SLC15A2: variants seen among roughly 807,000 people sequenced by gnomAD.
The protein encoded by SLC15A2 is solute carrier family 15 member 2, also known as kidney H(+)/peptide cotransporter.
A neutral mutation model predicts 95.5 loss-of-function variants in SLC15A2; 77 were observed. That is an observed-to-expected ratio of 0.81 (90% CI 0.67 to 0.97). The LOEUF (loss-of-function observed/expected upper bound fraction) is 0.97, where lower values mean the gene tolerates loss of function less well. SLC15A2 is among the 50% of genes least tolerant of loss of function. The pLI is 0.00. For missense variants in SLC15A2, 893 were observed against 874.4 expected (o/e 1.02, Z -0.27); for synonymous variants, 306 against 306.9 (o/e 1.00, Z 0.03).
At chr3:121,940,520 T>C (rs1559856811) in intron 21 of SLC15A2, 32 bp downstream of exon 21, 1 of 1,557,596 alleles carries the variant, frequency 6.4e-7, no homozygotes, top group Non-Finnish European at 8.9e-7. Flanking sequence ...GATTCATTTC[T>C]ACTCAAGTTT....
intron 3 of SLC15A2, among the ~76,000 whole-genome samples, chr3:121,908,658 A>C (rs923034568): frequency 2.6e-5 from 4 of 152,120 alleles, no homozygotes; most frequent in African/African-American, 9.7e-5. Context: ...TTCCTCTGCC[A>C]TCACTACACA....
intron 19 of SLC15A2, among the ~76,000 whole-genome samples, chr3:121,935,664 T>C (rs1710328848): frequency 6.6e-6 from 1 of 151,986 alleles, no homozygotes. Context: ...TTTTTTTCTT[T>C]ATTAGTCTTG....
rs1709859651 is a variant in SLC15A2 at position 121,915,110 on chromosome 3, G to A, written c.529-117G>A. 13 of 1,096,286 alleles carry A rather than the reference G, an allele frequency of 1.2e-5. 1 individual carries two copies. In the South Asian group the frequency reaches 2.5e-4, roughly 21 times the overall value. The allele number at this position is 1,096,286 out of a possible 1,614,324, so 67.9% of individuals were successfully genotyped here. ...ATTAATAATATGAAATTCAGGTATT[G>A]TGGAGGCAATATCTGAATCTTTCTC... On this transcript the variant is annotated intron_variant, in intron 5 of 21. Coordinates refer to ENST00000489711, the MANE Select transcript of SLC15A2 (RefSeq NM_021082.4).
At chr3:121,938,113 T>C (rs1302282748) in intron 19 of SLC15A2, among the ~76,000 whole-genome samples, 2 of 151,706 alleles carry the variant, frequency 1.3e-5, no homozygotes, top group African/African-American at 2.4e-5. Flanking sequence ...GAGGAGGCAG[T>C]CTGCCCGTTC....
At chr3:121,897,656 A>G in intron 3 of SLC15A2, 127 bp downstream of exon 3, 1 of 872,502 alleles carries the variant, frequency 1.1e-6, no homozygotes, top group Non-Finnish European at 1.7e-6. Context: ...ATCTCTGTAC[A>G]TCTGTGTAGT....
chr3:121,910,398 T>C (rs1709741141), intron 3 of SLC15A2, among the ~76,000 whole-genome samples: 1 of 152,120 alleles, frequency 6.6e-6, no homozygotes, highest in Admixed American at 6.5e-5. Context: ...GGTTTCACCA[T>C]GTTGGTCAGG....
chr3:121,921,744 A>C (rs746513937), intron 7 of SLC15A2, among the ~76,000 whole-genome samples: 6 of 151,668 alleles, frequency 4.0e-5, no homozygotes, highest in Non-Finnish European at 8.8e-5. Flanking sequence ...CCATTTTAAT[A>C]ATCCAAAGTA....
intron 3 of SLC15A2, among the ~76,000 whole-genome samples, chr3:121,911,056 A>G (rs1016061085): frequency 2.0e-5 from 3 of 152,212 alleles, no homozygotes; most frequent in African/African-American, 7.2e-5. Flanking sequence ...TTTACCTCCC[A>G]GTGCTTCTTG....
chr3:121,926,080 A>G (rs1430867542), intron 13 of SLC15A2, among the ~76,000 whole-genome samples: 1 of 152,088 alleles, frequency 6.6e-6, no homozygotes. Context: ...AAGAACAAGA[A>G]GAAAGAAGAA....
intron 15 of SLC15A2, 79 bp from the exon 16 acceptor site, chr3:121,928,903 C>A: frequency 6.7e-7 from 1 of 1,491,358 alleles, no homozygotes; most frequent in East Asian, 2.3e-5. Flanking sequence ...AGGTCACCTA[C>A]CCTGAGATGC....
chr3:121,907,464 C>T (rs1401568198), intron 3 of SLC15A2, among the ~76,000 whole-genome samples: 1 of 152,192 alleles, frequency 6.6e-6, no homozygotes, highest in Non-Finnish European at 1.5e-5. Flanking sequence ...CTTTTCTGCT[C>T]TGGTTTCTCC....
At chr3:121,923,759 G>T (rs1013774830) in intron 11 of SLC15A2, among the ~76,000 whole-genome samples, 1 of 152,046 alleles carries the variant, frequency 6.6e-6, no homozygotes, top group Non-Finnish European at 1.5e-5. Flanking sequence ...CTCAAATAAG[G>T]TACCATCTCT....
chr3:121,941,092 T>G lies in SLC15A2; in HGVS notation c.*85T>G. On this transcript the variant is annotated 3_prime_UTR_variant, in exon 22 of 22. Coordinates refer to ENST00000489711, the MANE Select transcript of SLC15A2 (RefSeq NM_021082.4). ...CTTCTACTGGATTAGACAAGAGAGA[T>G]AGCAGCATATCAGAGCTGATCTCCT... is the stretch of plus-strand genomic sequence containing the variant. 8 of 1,251,778 alleles carry G rather than the reference T, an allele frequency of 6.4e-6. No individual in the cohort carries two copies. The highest frequency in any genetic ancestry group is 1.5e-5 in the African/African-American group (1 of 66,370). The allele number at this position is 1,251,778 out of a possible 1,614,324, so 77.5% of individuals were successfully genotyped here. A position where few individuals can be genotyped will look rare whatever the true frequency, so the allele number is the denominator to read the frequency against.
chr3:121,923,269 G>T lies in SLC15A2; in HGVS notation c.1002+3G>T. 6.2e-7 allele frequency: 1 copy of T among 1,613,424 alleles called. No homozygotes were observed. Among genetic ancestry groups the T allele is most frequent in the South Asian group, 1.1e-5 (1 of 90,924 alleles). On this transcript the variant is annotated splice_donor_region_variant and intron_variant, in intron 11 of 21. Coordinates refer to ENST00000489711, the MANE Select transcript of SLC15A2 (RefSeq NM_021082.4). ...CCATCAGGATGAATAGGAATTTGGT[G>T]AGTAGAAGAGATTTTCCAGAGAAGT...
chr3:121,932,354 CCAAT>C (rs776543257), intron 19 of SLC15A2, among the ~76,000 whole-genome samples: 38 of 152,192 alleles, frequency 2.5e-4, no homozygotes, highest in Admixed American at 9.8e-4. Context: ...TTTTATGTCT[CCAAT>C]CAAACACAAG....
intron 1 of SLC15A2, 77 bp downstream of exon 1, chr3:121,894,658 T>G (rs1024989176): frequency 2.7e-6 from 3 of 1,111,746 alleles, no homozygotes; most frequent in Non-Finnish European, 2.7e-6. Flanking sequence ...GCTCTGGAGC[T>G]TCCAGCTGAG....
intron 7 of SLC15A2, among the ~76,000 whole-genome samples, chr3:121,917,117 G>A (rs537071056): frequency 2.0e-5 from 3 of 152,234 alleles, no homozygotes; most frequent in Non-Finnish European, 4.4e-5. Flanking sequence ...ACCACGCCCA[G>A]CCAATTAATT....
At chr3:121,933,399 T>G (rs1710272147) in intron 19 of SLC15A2, among the ~76,000 whole-genome samples, 1 of 149,606 alleles carries the variant, frequency 6.7e-6, no homozygotes, top group Non-Finnish European at 1.5e-5. Flanking sequence ...GTGTTCCTAT[T>G]TCTCCACATC....
intron 3 of SLC15A2, among the ~76,000 whole-genome samples, chr3:121,909,994 T>G (rs1004402873): frequency 3.9e-5 from 6 of 152,070 alleles, no homozygotes; most frequent in Non-Finnish European, 7.4e-5. Flanking sequence ...CCTTTTTTTT[T>G]CCTCTATGAT....
Sources: gnomAD v4.1 joint callset for allele counts (sites outside exome capture counted in the v4.1 genomes callset) on GRCh38, gnomAD v4.1.1 for gene constraint, MANE v1.5 for transcripts, NCBI Gene and HGNC (gene_info 2026-07-23, HGNC 2026-07-21) for gene names.